HEG1: variants seen among roughly 807,000 people sequenced by gnomAD.
HEG1 encodes the protein protein HEG homolog 1.
In HEG1, 56 loss-of-function variants were observed where a neutral mutation model predicts 125.6. That is an observed-to-expected ratio of 0.45 (90% CI 0.36 to 0.56). HEG1 has a LOEUF of 0.56. Ranked by LOEUF, HEG1 falls within the 20% of genes least tolerant of loss-of-function variation. HEG1 has a pLI of 0.00. For synonymous variants in HEG1, 644 were observed against 668.5 expected (o/e 0.96, Z 0.57); for missense variants, 1,523 against 1,670.0 (o/e 0.91, Z 1.53).
At position 124,970,731 on chromosome 3, in the gene HEG1, G is replaced by C; in HGVS notation, c.4067C>G (p.Ser1356Ter). Residue 1356 changes from serine (S) to a stop codon, truncating the protein, a stop_gained, in exon 17 of 17, where the codon TCA becomes TGA. Coordinates refer to ENST00000311127, the MANE Select transcript of HEG1 (RefSeq NM_020733.2). LOFTEE classifies it high-confidence loss of function. ...TCCGGGGAAAATGCAAGAATGCCGT[G>C]ATCCTGGCAGTCCAGTGTAGGCCGG... is the stretch of plus-strand genomic sequence containing the variant. ...LYPAYTGLPG[S>*]RHSCIFPGQY... The C allele has an allele frequency of 6.2e-7, 1 of 1,610,120 alleles. No individual in the cohort carries two copies. The highest frequency in any genetic ancestry group is 8.5e-7 in the Non-Finnish European group (1 of 1,178,216).
Position 125,001,996 on chromosome 3 carries a change from C to A in HEG1, c.3373G>T (p.Val1125Leu), listed in dbSNP as rs1376913952. ...VHASRESNAV[V>L]ISLQTTFSLA... ...GAAAAGGTTGTTTGCAGTGAGATCA[C>A]CACCGCGTTGGACTCCCTATAGGCA... The change falls in exon 11 of 17, where the codon GTG (valine) becomes TTG (leucine). Residue 1125 changes from valine to leucine, a missense_variant. Transcript: ENST00000311127. 8.7e-6 allele frequency: 14 copies of A among 1,613,886 alleles called. No homozygotes were observed. The highest frequency in any genetic ancestry group is 3.3e-5 in the Admixed American group (2 of 59,994).
intron 1 of HEG1, among the ~76,000 whole-genome samples, chr3:125,055,270 A>C (rs1937906787): frequency 6.6e-6 from 1 of 152,332 alleles, no homozygotes; most frequent in South Asian, 2.1e-4. Context: ...GATGCTTTGC[A>C]GTCTTTTTCC....
intron 14 of HEG1, among the ~76,000 whole-genome samples, chr3:124,990,395 G>A (rs1183482720): frequency 6.6e-6 from 1 of 151,196 alleles, no homozygotes; most frequent in Non-Finnish European, 1.5e-5. Flanking sequence ...CTGAAGTGCA[G>A]TGGCGTGATC....
At chr3:124,987,108 C>G (rs576569994) in intron 14 of HEG1, among the ~76,000 whole-genome samples, 2 of 152,082 alleles carry the variant, frequency 1.3e-5, no homozygotes, top group Non-Finnish European at 2.9e-5. Flanking sequence ...GGGAGACCAA[C>G]GTGGGAGGAT....
chr3:125,017,113 G>A (rs1465682928), intron 5 of HEG1, among the ~76,000 whole-genome samples: 4 of 151,602 alleles, frequency 2.6e-5, no homozygotes, highest in Non-Finnish European at 5.9e-5. Flanking sequence ...AGAGTGCAGT[G>A]GCATGATCTC....
chr3:125,014,656 T>G, intron 5 of HEG1: 3 of 1,188,890 alleles, frequency 2.5e-6, no homozygotes, highest in Non-Finnish European at 2.1e-6. Flanking sequence ...GGACGGTGAG[T>G]AAATTAATAG....
chr3:125,045,402 T>C (rs983578660), intron 1 of HEG1, among the ~76,000 whole-genome samples: 1 of 152,202 alleles, frequency 6.6e-6, no homozygotes, highest in African/African-American at 2.4e-5. Flanking sequence ...TGTTACACAA[T>C]TCTAGCTTAT....
intron 16 of HEG1, 39 bp from the exon 17 acceptor site, chr3:124,970,840 A>T (rs1324316556): frequency 1.3e-6 from 2 of 1,561,658 alleles, no homozygotes; most frequent in Non-Finnish European, 1.7e-6. Flanking sequence ...TCAATTTATC[A>T]TTCTTGGGTT....
At chr3:125,001,792 C>T (rs1937003073) in intron 11 of HEG1, 60 bp downstream of exon 11, 1 of 1,554,078 alleles carries the variant, frequency 6.4e-7, no homozygotes, top group Admixed American at 1.9e-5. Flanking sequence ...CCTTGCATTT[C>T]CATCTTAGGT....
intron 12 of HEG1, among the ~76,000 whole-genome samples, chr3:124,993,387 C>T (rs189302205): frequency 5.3e-5 from 8 of 152,290 alleles, no homozygotes; most frequent in South Asian, 2.1e-4. Context: ...GAAGGAGTAA[C>T]GAGGCCCCAT....
At chr3:124,974,919 T>G (rs1380210441) in intron 15 of HEG1, among the ~76,000 whole-genome samples, 1 of 152,168 alleles carries the variant, frequency 6.6e-6, no homozygotes, top group Non-Finnish European at 1.5e-5. Context: ...GACATACTCA[T>G]GCACAACTAC....
chr3:125,019,559 G>T lies in HEG1; in HGVS notation c.1291C>A (p.Gln431Lys). The part of the protein sequence containing the change: ...EHQLASSSEV[Q>K]NGSPMSQTET... ...GTCTGAGACATGGGACTTCCATTTT[G>T]CACCTCAGAGCTGCTGGCAAGCTGA... The change falls in exon 5 of 17, where the codon CAA (glutamine) becomes AAA (lysine). Residue 431 changes from glutamine (Q) to lysine (K), a missense_variant. Coordinates refer to ENST00000311127, the MANE Select transcript of HEG1 (RefSeq NM_020733.2). 4 of 1,607,370 alleles carry T rather than the reference G, an allele frequency of 2.5e-6. No homozygotes were observed. The highest frequency in any genetic ancestry group is 3.4e-6 in the Non-Finnish European group (4 of 1,174,304).
intron 14 of HEG1, among the ~76,000 whole-genome samples, chr3:124,984,802 AAAAC>A (rs1046042886): frequency 6.6e-5 from 10 of 152,094 alleles, no homozygotes; most frequent in Admixed American, 5.9e-4. Flanking sequence ...AAACAAAACA[AAAAC>A]AAACAAAAAA....
intron 1 of HEG1, among the ~76,000 whole-genome samples, chr3:125,043,381 A>G (rs1339767528): frequency 6.6e-6 from 1 of 151,396 alleles, no homozygotes; most frequent in Non-Finnish European, 1.5e-5. Context: ...AGGACCTTGG[A>G]GTGACCTCAA....
chr3:125,039,016 C>A (rs1317163011), intron 1 of HEG1, among the ~76,000 whole-genome samples: 1 of 152,194 alleles, frequency 6.6e-6, no homozygotes, highest in Non-Finnish European at 1.5e-5. Context: ...CACACCAACC[C>A]TCCTCATATT....
rs1312687617 is a variant in HEG1, at chr3:125,001,968, A to C, written c.3401T>G (p.Leu1134Arg). 1 of 1,613,916 alleles carries C rather than the reference A, an allele frequency of 6.2e-7. No individual in the cohort carries two copies. Among genetic ancestry groups the C allele is most frequent in the Non-Finnish European group, 8.5e-7 (1 of 1,179,904 alleles). The part of the protein sequence containing the change: ...VVISLQTTFS[L>R]ASNVTLFDLA... ...GTCAAATAGCGTCACATTGGAGGCC[A>C]GGGAAAAGGTTGTTTGCAGTGAGAT... Residue 1134 changes from leucine to arginine, a missense_variant, in exon 11 of 17, where the codon CTG becomes CGG. Coordinates refer to ENST00000311127, the MANE Select transcript of HEG1 (RefSeq NM_020733.2).
chr3:124,983,482 A>G (rs1307893756), intron 14 of HEG1, among the ~76,000 whole-genome samples: 1 of 148,234 alleles, frequency 6.7e-6, no homozygotes, highest in African/African-American at 2.5e-5. Flanking sequence ...CACTAAGTGC[A>G]TGCCACCATG....
intron 14 of HEG1, among the ~76,000 whole-genome samples, chr3:124,978,446 C>T (rs939252977): frequency 6.6e-5 from 10 of 152,284 alleles, no homozygotes; most frequent in South Asian, 2.1e-4. Context: ...CGCGCCCGGC[C>T]GAAAAGCTCC....
intron 1 of HEG1, among the ~76,000 whole-genome samples, chr3:125,030,889 G>A (rs1363964268): frequency 6.6e-6 from 1 of 152,170 alleles, no homozygotes; most frequent in Non-Finnish European, 1.5e-5. Flanking sequence ...TGGTGGAGAG[G>A]AGAATGGTTT....
Sources: allele counts gnomAD v4.1 joint callset (sites outside exome capture counted in the v4.1 genomes callset), GRCh38; gene constraint gnomAD v4.1.1; transcripts MANE v1.5; gene names NCBI Gene and HGNC (gene_info 2026-07-23, HGNC 2026-07-21).